The following COL2A1 variants were observed in gnomAD, a reference collection of about 807,000 sequenced individuals.
The protein encoded by COL2A1 is collagen alpha-1(II) chain.
In COL2A1, 28 loss-of-function variants were observed where a neutral mutation model predicts 204.5. The ratio of observed to expected loss-of-function variants is 0.14; its 90% CI spans 0.10 to 0.19. The LOEUF is 0.19. Ranked by LOEUF, COL2A1 falls within the 10% of genes least tolerant of loss-of-function variation. The pLI is 1.00. For missense variants in COL2A1, 1,388 were observed against 2,027.5 expected, an observed-to-expected ratio of 0.68 and a Z score of 6.06; for synonymous variants, 708 against 718.7, an observed-to-expected ratio of 0.99 and a Z score of 0.24.
At chr12:47,991,758 C>T (rs1215691502) in intron 16 of COL2A1, among the ~76,000 whole-genome samples, 1 of 152,200 alleles carries the variant, frequency 6.6e-6, no homozygotes, top group African/African-American at 2.4e-5. Flanking sequence ...AGGGCCACCG[C>T]AGCTCTGAGC....
rs757288301 is a variant in COL2A1 at position 47,978,799 on chromosome 12, C to T, written c.2734-41G>A. ...GCGGGAAGTGAGGACTCATCTCACC[C>T]TTCCTCATCCAGGCTGCCAAAGTCA... is the stretch of plus-strand genomic sequence containing the variant. On this transcript the variant is annotated intron_variant, in intron 41 of 53. Coordinates refer to ENST00000380518, the MANE Select transcript of COL2A1 (RefSeq NM_001844.5). The surrounding 1 kb of genome is among the most constrained non-coding windows in gnomAD (Gnocchi z 5.5). 1.2e-6 allele frequency: 2 copies of T among 1,603,690 alleles called. No individual in the cohort carries two copies. Among genetic ancestry groups the T allele is most frequent in the Admixed American group, 1.7e-5 (1 of 59,706 alleles).
Position 47,978,828 on chromosome 12 carries a change from T to A in COL2A1, c.2734-70A>T. 6.5e-7 allele frequency: 1 copy of A among 1,531,368 alleles called. No individual in the cohort carries two copies. The highest frequency in any genetic ancestry group is 9.0e-7 in the Non-Finnish European group (1 of 1,109,038). 94.9% of individuals were successfully genotyped at this position (1,531,368 alleles called of 1,614,324 possible). A position where few individuals can be genotyped will look rare whatever the true frequency, so the allele number is the denominator to read the frequency against. ...CTCATCCAGGCTGCCAAAGTCACTG[T>A]GGCCTCAGTGACAGCAGTTTCCTCT... On this transcript the variant is annotated intron_variant, in intron 41 of 53. Transcript: ENST00000380518. This position sits in a 1 kb window ranked among gnomAD's most constrained non-coding sequence, Gnocchi z 5.5.
chr12:47,987,659 A>T lies in COL2A1; in HGVS notation c.1173T>A (p.Pro391=). ...GARGPEGAQG[P]RGEPGTPGSP... ...ACCCAGGAGTACCAGGTTCACCGCGAGGACCTTGAGCACCTTCAGGACCAC... is the reference window on the plus strand; with the variant it reads ...ACCCAGGAGTACCAGGTTCACCGCGTGGACCTTGAGCACCTTCAGGACCAC... Residue 391 remains proline (P), a synonymous_variant, in exon 19 of 54, where the codon CCT becomes CCA. Coordinates refer to ENST00000380518, the MANE Select transcript of COL2A1 (RefSeq NM_001844.5). This position sits in a 1 kb window ranked among gnomAD's most constrained non-coding sequence, Gnocchi z 4.1. 2 of 1,613,464 alleles carry T rather than the reference A, an allele frequency of 1.2e-6. No individual in the cohort carries two copies. The highest frequency in any genetic ancestry group is 1.7e-6 in the Non-Finnish European group (2 of 1,179,768).
At chr12:47,994,193 C>T in intron 12 of COL2A1, 146 bp from the exon 13 acceptor site, 1 of 1,067,084 alleles carries the variant, frequency 9.4e-7, no homozygotes, top group East Asian at 2.4e-5. Flanking sequence ...CTGTAAAACC[C>T]AGACCACCCC....
At chr12:47,997,843 G>T in intron 6 of COL2A1, 28 bp downstream of exon 6, 1 of 1,613,948 alleles carries the variant, frequency 6.2e-7, no homozygotes, top group African/African-American at 1.3e-5. Context: ...AAGTCCACCA[G>T]GGTCAAGCAG....
intron 10 of COL2A1, 54 bp downstream of exon 10, chr12:47,995,656 G>A: frequency 6.5e-7 from 1 of 1,536,556 alleles, no homozygotes; most frequent in South Asian, 1.1e-5. Flanking sequence ...CGGTCCTAGT[G>A]GTCTATCATT....
Position 47,975,535 on chromosome 12 carries a change from A to G in COL2A1, c.3668T>C (p.Phe1223Ser). ...PPGPGIDMSA[F>S]AGLGPREKGP... Reference sequence around the variant, plus strand: ...CTTCTCTCTCGGGCCTAAGCCAGCAAAGGCGGACATGTCGATGCCAGGGCC... The same window carrying G: ...CTTCTCTCTCGGGCCTAAGCCAGCAGAGGCGGACATGTCGATGCCAGGGCC... Residue 1223 changes from phenylalanine to serine, a missense_variant, in exon 51 of 54, where the codon TTT becomes TCT. Phe to Ser is a radical substitution (Grantham distance 155). This residue lies in a region of COL2A1 where 303 missense variants were observed against 369.2 expected (regional missense o/e 0.82). Coordinates refer to ENST00000380518, the MANE Select transcript of COL2A1 (RefSeq NM_001844.5). 1 of 1,607,796 alleles carries G rather than the reference A, an allele frequency of 6.2e-7. No individual in the cohort carries two copies. The highest frequency in any genetic ancestry group is 8.5e-7 in the Non-Finnish European group (1 of 1,179,970).
chr12:47,973,275 T>C lies in COL2A1; in HGVS notation c.*132A>G. On this transcript the variant is annotated 3_prime_UTR_variant, in exon 54 of 54. Coordinates refer to ENST00000380518, the MANE Select transcript of COL2A1 (RefSeq NM_001844.5). ...AAAGAGAGGGGAGAAAAGTCCGAACTGTGAGAGGGTGGGATGAATGGACAT... is the reference window on the plus strand; with the variant it reads ...AAAGAGAGGGGAGAAAAGTCCGAACCGTGAGAGGGTGGGATGAATGGACAT... 8.3e-7 allele frequency: 1 copy of C among 1,207,498 alleles called. No homozygotes were observed. Among genetic ancestry groups the C allele is most frequent in the Non-Finnish European group, 1.2e-6 (1 of 809,914 alleles). The allele number at this position is 1,207,498 out of a possible 1,614,324, so 74.8% of individuals were successfully genotyped here. A position where few individuals can be genotyped will look rare whatever the true frequency, so the allele number is the denominator to read the frequency against.
In COL2A1 at chr12:47,975,401, T is replaced by C. The variant is rs374360275; in HGVS notation, c.3802A>G (p.Ser1268Gly). 8.1e-6 allele frequency: 13 copies of C among 1,614,188 alleles called. No individual in the cohort carries two copies. In the East Asian group the frequency reaches 2.0e-4, roughly 25 times the overall value. The change falls in exon 51 of 54, where the codon AGC becomes GGC. Residue 1268 changes from serine (S) to glycine (G), a missense_variant. Around this residue, in one of 3 missense-constraint regions of COL2A1, gnomAD observed 303 missense variants for 369.2 expected, o/e 0.82. Transcript: ENST00000380518. ...CGGGAGCCCTCGGGGCTGCGGATGC[T>C]CTCAATCTGGTTGTTGAGGGACTTG... ...TLKSLNNQIESIRSPEGSRKN... is the reference protein window; with the variant it reads ...TLKSLNNQIEGIRSPEGSRKN...
At chr12:47,977,694 T>G (rs1938800860) in intron 44 of COL2A1, 41 bp from the exon 45 acceptor site, 1 of 1,604,420 alleles carries the variant, frequency 6.2e-7, no homozygotes, top group South Asian at 1.1e-5. Context: ...AGCTGCTTCC[T>G]GCCCATCTCC....
chr12:47,976,974 C>T lies in COL2A1; in HGVS notation c.3328-55G>A. 2 of 1,542,882 alleles carry T rather than the reference C, an allele frequency of 1.3e-6. No homozygotes were observed. Among genetic ancestry groups the T allele is most frequent in the Middle Eastern group, 1.7e-4 (1 of 5,946 alleles). The stretch of plus-strand genomic sequence containing the variant: ...AGGTCAGGGCCAGGACAGGAGCCCC[C>T]TCCTGTCCCACCCAAGCTGAGGAAT... On this transcript the variant is annotated intron_variant, in intron 47 of 53. Coordinates refer to ENST00000380518, the MANE Select transcript of COL2A1 (RefSeq NM_001844.5). The surrounding 1 kb of genome is among the most constrained non-coding windows in gnomAD (Gnocchi z 4.3).
chr12:47,993,602 A>C (rs1939808898), intron 14 of COL2A1, 100 bp from the exon 15 acceptor site: 1 of 1,169,676 alleles, frequency 8.5e-7, no homozygotes, highest in Non-Finnish European at 1.3e-6. Context: ...CTCAGCTCGC[A>C]CTGACACAAA....
At chr12:48,004,213 A>T in intron 1 of COL2A1, 24 bp downstream of exon 1, 1 of 1,500,286 alleles carries the variant, frequency 6.7e-7, no homozygotes, top group Non-Finnish European at 9.1e-7. Flanking sequence ...GCAGGCAGGC[A>T]GGCAGGGGCG....
rs189715351 is a variant in COL2A1, at chr12:47,973,949, A to G, written c.4317+140T>C. ...CTCTCTCTCACCTGTCACTCAGCCT[A>G]TCTTCTCTACATGACCCTCAAACTC... On this transcript the variant is annotated intron_variant, in intron 53 of 53. Transcript: ENST00000380518. 1.6e-4 allele frequency: 195 copies of G among 1,214,302 alleles called. No homozygotes were observed. The African/African-American group carries it at 2.3e-3, about 14-fold the overall frequency. The allele number at this position is 1,214,302 out of a possible 1,614,324, so 75.2% of individuals were successfully genotyped here.
At chr12:47,981,953 C>T (rs1939117076) in intron 35 of COL2A1, 124 bp from the exon 36 acceptor site, 1 of 1,299,458 alleles carries the variant, frequency 7.7e-7, no homozygotes, top group South Asian at 1.2e-5. Flanking sequence ...ACCCTCTGGC[C>T]CCATTTTAAC....
intron 50 of COL2A1, 59 bp downstream of exon 50, chr12:47,975,904 C>A (rs1201618392): frequency 2.2e-6 from 3 of 1,346,204 alleles, no homozygotes; most frequent in East Asian, 2.3e-5. Flanking sequence ...CAAAAAAGAG[C>A]TCAAGCCTCC....
At chr12:48,004,494 G>GCGCC, upstream of COL2A1, 3 of 544,920 alleles carry the variant, frequency 5.5e-6, no homozygotes, top group South Asian at 6.8e-5. Context: ...CCCCGCCGCG[G>GCGCC]CGCCCGTTAT....
Position 47,992,946 on chromosome 12 carries a change from A to G in COL2A1, c.970-15T>C, listed in dbSNP as rs1349981062. The G allele has an allele frequency of 6.2e-6, 10 of 1,613,936 alleles. No individual in the cohort carries two copies. The highest frequency in any genetic ancestry group is 8.5e-6 in the Non-Finnish European group (10 of 1,179,930). ...CCACGAGGACCCTGGAACACACACCAGGACAGCCTAAGCATGAGTTGGCTT... is the reference window on the plus strand; with the variant it reads ...CCACGAGGACCCTGGAACACACACCGGGACAGCCTAAGCATGAGTTGGCTT... On this transcript the variant is annotated splice_polypyrimidine_tract_variant and intron_variant, in intron 15 of 53. Coordinates refer to ENST00000380518, the MANE Select transcript of COL2A1 (RefSeq NM_001844.5).
rs751864679 is a variant in COL2A1 at position 47,982,129 on chromosome 12, G to A, written c.2333C>T (p.Ala778Val). ...GDVGEKGPEG[A>V]PGKDGGRGLT... ...TACTCGTCCACCATCCTTTCCAGGG[G>A]CTCCCTCAGGGCCTTTCTCACCAAC... Residue 778 changes from alanine (A) to valine (V), a missense_variant, in exon 35 of 54, where the codon GCC becomes GTC. Coordinates refer to ENST00000380518, the MANE Select transcript of COL2A1 (RefSeq NM_001844.5). The A allele has an allele frequency of 6.2e-7, 1 of 1,613,956 alleles. No individual in the cohort carries two copies. The highest frequency in any genetic ancestry group is 2.2e-5 in the East Asian group (1 of 44,862).
Sources: gnomAD v4.1 joint callset for allele counts (sites outside exome capture counted in the v4.1 genomes callset) on GRCh38, gnomAD v4.1.1 for gene constraint, gnomAD v4.1.1 regional missense constraint, Gnocchi (gnomAD v3.1) non-coding constraint, MANE v1.5 for transcripts, NCBI Gene and HGNC (gene_info 2026-07-23, HGNC 2026-07-21) for gene names.